The following SV2C variants were observed in gnomAD, a reference collection of about 807,000 sequenced individuals.
SV2C encodes synaptic vesicle glycoprotein 2C, also known as solute carrier family 22 member B3.
A neutral mutation model predicts 79.7 loss-of-function variants in SV2C; 49 were observed. The observed-to-expected ratio is 0.61, with a 90% CI of 0.49 to 0.78. The LOEUF is 0.78. SV2C is among the 30% of genes least tolerant of loss of function. SV2C has a pLI of 0.00. For synonymous variants in SV2C, 334 were observed against 333.2 expected (o/e 1.00, Z -0.03); for missense variants, 833 against 912.9 (o/e 0.91, Z 1.13).
chr5:76,122,636 C>T (rs183433258), intron 1 of SV2C, among the ~76,000 whole-genome samples: 5,525 of 151,458 alleles, frequency 0.036, 330 homozygotes, highest in African/African-American at 0.13. Context: ...GGGTACATAA[C>T]GAAATGAAGG....
the SV2C span, among the ~76,000 whole-genome samples, chr5:75,892,828 T>C: frequency 6.6e-6 from 1 of 152,086 alleles, no homozygotes; most frequent in Non-Finnish European, 1.5e-5. Flanking sequence ...CCACCATTCA[T>C]GGACACCTAG....
chr5:76,317,442 A>ACAC, intron 12 of SV2C, among the ~76,000 whole-genome samples: 1 of 147,272 alleles, frequency 6.8e-6, no homozygotes, highest in South Asian at 2.1e-4. Flanking sequence ...CACCCCCCCC[A>ACAC]ACACACACAC....
At chr5:76,060,076 G>A in the SV2C span, among the ~76,000 whole-genome samples, 7 of 152,242 alleles carry the variant, frequency 4.6e-5, no homozygotes, top group East Asian at 1.4e-3. Flanking sequence ...AGTAAACCAC[G>A]CTGTAAACAG....
At chr5:76,158,406 T>A (rs1198144139) in intron 2 of SV2C, among the ~76,000 whole-genome samples, 1 of 151,292 alleles carries the variant, frequency 6.6e-6, no homozygotes, top group Non-Finnish European at 1.5e-5. Flanking sequence ...GCTATGTTAA[T>A]ATCAGACAAA....
At chr5:75,882,859 G>T in the SV2C span, among the ~76,000 whole-genome samples, 2 of 151,078 alleles carry the variant, frequency 1.3e-5, no homozygotes, top group Non-Finnish European at 2.9e-5. Context: ...TTAAACTAAA[G>T]AGCTTCTGCA....
chr5:76,126,126 T>C (rs564765010), intron 1 of SV2C, among the ~76,000 whole-genome samples: 1 of 152,298 alleles, frequency 6.6e-6, no homozygotes, highest in South Asian at 2.1e-4. Context: ...TCAGGAAAGT[T>C]ACACTGTAAT....
chr5:76,288,134 GGAGGGACATATGGTAA>G (rs2112500174), intron 6 of SV2C, among the ~76,000 whole-genome samples: 1 of 151,810 alleles, frequency 6.6e-6, no homozygotes, highest in South Asian at 2.1e-4. Context: ...ACAGTAGGTT[GGAGGGACATATGGTAA>G]GACATAAGTG....
At chr5:76,241,845 G>A (rs1745794560) in intron 4 of SV2C, among the ~76,000 whole-genome samples, 1 of 152,118 alleles carries the variant, frequency 6.6e-6, no homozygotes, top group Admixed American at 6.5e-5. Context: ...CATTCTATTA[G>A]CGACATATGC....
chr5:76,195,041 T>A lies in SV2C; in HGVS notation c.703T>A (p.Ser235Thr). ...TGTCAACGGATTCTTTGCCTTCCTT[T>A]CTTCATTTGTCCAAGGTTATGGCTT... ...MSVNGFFAFLSSFVQGYGFFL... is the reference protein window; with the variant it reads ...MSVNGFFAFLTSFVQGYGFFL... The change falls in exon 3 of 13, where the codon TCT becomes ACT. Residue 235 changes from serine (S) to threonine (T), a missense_variant. Ser to Thr is a moderately conservative substitution (Grantham distance 58). Coordinates refer to ENST00000502798, the MANE Select transcript of SV2C (RefSeq NM_014979.4). The A allele has an allele frequency of 1.2e-6, 2 of 1,614,110 alleles. No individual in the cohort carries two copies. Among genetic ancestry groups the A allele is most frequent in the Non-Finnish European group, 1.7e-6 (2 of 1,179,962 alleles).
At chr5:75,958,531 A>G in the SV2C span, among the ~76,000 whole-genome samples, 2 of 152,020 alleles carry the variant, frequency 1.3e-5, no homozygotes, top group African/African-American at 4.8e-5. Context: ...AGGCAGCACC[A>G]ATTGTACCAC....
At chr5:76,118,389 A>C (rs929482993) in intron 1 of SV2C, among the ~76,000 whole-genome samples, 1 of 152,182 alleles carries the variant, frequency 6.6e-6, no homozygotes, top group Non-Finnish European at 1.5e-5. Flanking sequence ...TTTCCATATA[A>C]GGTCACATTC....
In SV2C at chr5:76,132,415, C is replaced by T. The variant is rs1748932654; in HGVS notation, c.580+85C>T. On this transcript the variant is annotated intron_variant, in intron 2 of 12. Transcript: ENST00000502798. ...ATCAACATAGAGAATAAATACTTTT[C>T]ATCTAGAGTACTGCATTTTTTCTAA... 2.3e-6 allele frequency: 3 copies of T among 1,323,324 alleles called. No homozygotes were observed. The South Asian group carries it at 4.9e-5, about 21-fold the overall frequency. 82.0% of individuals were successfully genotyped at this position (1,323,324 alleles called of 1,614,324 possible). A position where few individuals can be genotyped will look rare whatever the true frequency, so the allele number is the denominator to read the frequency against.
At chr5:75,928,692 G>A in the SV2C span, among the ~76,000 whole-genome samples, 1 of 152,096 alleles carries the variant, frequency 6.6e-6, no homozygotes, top group African/African-American at 2.4e-5. Context: ...CTTCGTGATG[G>A]AGTCACAGAG....
the SV2C span, among the ~76,000 whole-genome samples, chr5:75,903,527 C>T: frequency 5.3e-5 from 8 of 152,168 alleles, no homozygotes; most frequent in East Asian, 1.5e-3. Context: ...ACTTTTCTTT[C>T]ATTCCACTGC....
chr5:76,215,220 T>C (rs1422188087), intron 4 of SV2C, among the ~76,000 whole-genome samples: 1 of 152,160 alleles, frequency 6.6e-6, no homozygotes, highest in African/African-American at 2.4e-5. Flanking sequence ...AGGTTTGAGA[T>C]TCTTCAGCTT....
chr5:76,302,531 A>G (rs182450779), intron 12 of SV2C, among the ~76,000 whole-genome samples: 3,810 of 150,718 alleles, frequency 0.025, 172 homozygotes, highest in African/African-American at 0.089. Flanking sequence ...TCAGGAGGCT[A>G]AGGCACGAGA....
At chr5:75,915,954 G>T in the SV2C span, among the ~76,000 whole-genome samples, 1 of 152,120 alleles carries the variant, frequency 6.6e-6, no homozygotes, top group Admixed American at 6.6e-5. Flanking sequence ...CTTGCAAAAG[G>T]GGTCTTATCA....
chr5:76,043,363 CTCTG>C, the SV2C span, among the ~76,000 whole-genome samples: 5 of 152,198 alleles, frequency 3.3e-5, no homozygotes, highest in African/African-American at 7.2e-5. Context: ...TAAAATACTG[CTCTG>C]TCTTTCTCAC....
the SV2C span, among the ~76,000 whole-genome samples, chr5:76,048,965 G>GAGAGAGAA: frequency 2.1e-4 from 12 of 58,200 alleles, 1 homozygote; most frequent in South Asian, 2.6e-3. Context: ...GAAAGAAAAA[G>GAGAGAGAA]AGAAAGAAAG....
Sources: gnomAD v4.1 joint callset for allele counts (sites outside exome capture counted in the v4.1 genomes callset) on GRCh38, gnomAD v4.1.1 for gene constraint, MANE v1.5 for transcripts, NCBI Gene and HGNC (gene_info 2026-07-23, HGNC 2026-07-21) for gene names.